The following ZPBP variants were observed in gnomAD, a reference collection of about 807,000 sequenced individuals.
ZPBP encodes zona pellucida-binding protein 1.
In ZPBP, 26 loss-of-function variants were observed where a neutral mutation model predicts 44.8. That is an observed-to-expected ratio of 0.58 (90% confidence interval 0.43 to 0.81). The LOEUF (loss-of-function observed/expected upper bound fraction) is 0.81, where lower values mean the gene tolerates loss of function less well. ZPBP is among the 30% of genes least tolerant of loss of function. ZPBP has a pLI of 0.00. For missense variants in ZPBP, 409 were observed against 434.0 expected, an observed-to-expected ratio of 0.94 and a Z score of 0.51; for synonymous variants, 174 against 153.2, an observed-to-expected ratio of 1.14 and a Z score of -1.00.
chr7:49,879,996 T>C (rs1791599844), intron 2 of ZPBP, among the ~76,000 whole-genome samples: 1 of 152,188 alleles, frequency 6.6e-6, no homozygotes, highest in Non-Finnish European at 1.5e-5. Context: ...AGGCTTCAAG[T>C]TTCAAGAAAA....
chr7:49,947,171 A>T (rs954233210), intron 7 of ZPBP, among the ~76,000 whole-genome samples: 1 of 152,162 alleles, frequency 6.6e-6, no homozygotes, highest in Non-Finnish European at 1.5e-5. Context: ...AAGGTTACAC[A>T]TCTGTTTCCC....
chr7:50,062,293 G>A (rs1801283201), intron 3 of ZPBP, among the ~76,000 whole-genome samples: 1 of 152,070 alleles, frequency 6.6e-6, no homozygotes, highest in Non-Finnish European at 1.5e-5. Flanking sequence ...CAAATTACCA[G>A]TGAAATTTTT....
chr7:49,970,178 A>G (rs865862287), intron 7 of ZPBP, among the ~76,000 whole-genome samples: 1 of 152,132 alleles, frequency 6.6e-6, no homozygotes, highest in South Asian at 2.1e-4. Flanking sequence ...TAAACTAAGA[A>G]AGAAAAATCA....
chr7:50,002,243 CT>C (rs1335860164), intron 6 of ZPBP, among the ~76,000 whole-genome samples: 3 of 152,056 alleles, frequency 2.0e-5, no homozygotes, highest in Non-Finnish European at 4.4e-5. Context: ...GGAACTCTCA[CT>C]TATAAAACCA....
intron 7 of ZPBP, among the ~76,000 whole-genome samples, chr7:49,939,816 G>A (rs1352839493): frequency 6.6e-6 from 1 of 152,148 alleles, no homozygotes; most frequent in Non-Finnish European, 1.5e-5. Context: ...ATAGTGAGGT[G>A]AGAGGCTGGT....
chr7:49,862,654 T>G (rs1377469920), intron 2 of ZPBP, among the ~76,000 whole-genome samples: 2 of 141,174 alleles, frequency 1.4e-5, no homozygotes, highest in Non-Finnish European at 3.0e-5. Context: ...CTTTGATGTG[T>G]TTTTTTTTTC....
chr7:49,877,546 C>T (rs1202633669), intron 2 of ZPBP, among the ~76,000 whole-genome samples: 1 of 110,618 alleles, frequency 9.0e-6, no homozygotes, highest in African/African-American at 3.3e-5. Flanking sequence ...TTACCTATTT[C>T]ATCCTTTGTC....
At chr7:49,925,105 G>C (rs763799454) in intron 1 of ZPBP, among the ~76,000 whole-genome samples, 1 of 152,214 alleles carries the variant, frequency 6.6e-6, no homozygotes, top group Non-Finnish European at 1.5e-5. Context: ...CTGTTTGGTA[G>C]TATCTGGTCC....
At chr7:49,990,359 A>C (rs2170652) in intron 6 of ZPBP, among the ~76,000 whole-genome samples, 121,616 of 152,116 alleles carry the variant, frequency 0.8, 48,777 homozygotes, top group East Asian at 0.89. Flanking sequence ...CACCCATGGA[A>C]AGCACCCTGT....
rs533713744 is a variant in ZPBP at position 49,952,618 on chromosome 7, G to A, written c.962-14996C>T. 2.0e-5 allele frequency among the ~76,000 whole-genome samples: 3 copies of A among 152,054 alleles called. No homozygotes were observed. In the South Asian group the frequency reaches 6.2e-4, roughly 32 times the overall value. ...GGTGGAGGGATCTATATAACTAGAA[G>A]CTCTCTTCTCATCAGAAACAATAAA... On this transcript the variant is annotated intron_variant, in intron 7 of 7. Coordinates refer to ENST00000046087, the MANE Select transcript of ZPBP (RefSeq NM_007009.3).
At chr7:50,037,108 A>T (rs1264319928) in intron 4 of ZPBP, among the ~76,000 whole-genome samples, 3 of 152,156 alleles carry the variant, frequency 2.0e-5, no homozygotes, top group Non-Finnish European at 4.4e-5. Context: ...TTTTACTCAT[A>T]ATATGAATAC....
chr7:49,916,621 C>G lies in ZPBP; in HGVS notation n.412-15406G>C, dbSNP rs191723038. 3 of 152,284 alleles carry G rather than the reference C, an allele frequency of 2.0e-5. No individual in the cohort carries two copies. In the East Asian group the frequency reaches 5.8e-4, roughly 29 times the overall value. The allele number at this position is 152,284 out of a possible 1,614,324, so 9.4% of individuals were successfully genotyped here. On this transcript the variant is annotated intron_variant and non_coding_transcript_variant, in intron 1 of 2. Coordinates refer to the ZPBP transcript ENST00000465922. Reference sequence around the variant, plus strand: ...CCTTTAGTTTGGGCTGTGAAATATTCAATTCCCAAAACATCACCCAATATC... The same window carrying G: ...CCTTTAGTTTGGGCTGTGAAATATTGAATTCCCAAAACATCACCCAATATC...
At chr7:49,987,200 A>C (rs1040049526) in intron 6 of ZPBP, among the ~76,000 whole-genome samples, 1 of 152,230 alleles carries the variant, frequency 6.6e-6, no homozygotes, top group African/African-American at 2.4e-5. Context: ...TGGCATGGAT[A>C]AAGTCAGGTA....
At chr7:50,031,380 T>A in intron 4 of ZPBP, 70 bp from the exon 5 acceptor site, 1 of 1,118,428 alleles carries the variant, frequency 8.9e-7, no homozygotes. Flanking sequence ...TGCAACTATT[T>A]AAGAAATATC....
chr7:50,027,681 A>G (rs1474617682), intron 5 of ZPBP, among the ~76,000 whole-genome samples: 1 of 151,976 alleles, frequency 6.6e-6, no homozygotes. Context: ...TGGTTTTTGG[A>G]AAAAATGCAA....
At chr7:50,076,820 A>C (rs140859912) in intron 3 of ZPBP, among the ~76,000 whole-genome samples, 299 of 151,936 alleles carry the variant, frequency 2.0e-3, no homozygotes, top group African/African-American at 6.9e-3. Flanking sequence ...TGTCCAAACT[A>C]TACAAAGCAA....
At chr7:49,858,347 C>T (rs1338787105) in intron 2 of ZPBP, among the ~76,000 whole-genome samples, 1 of 152,054 alleles carries the variant, frequency 6.6e-6, no homozygotes, top group Non-Finnish European at 1.5e-5. Flanking sequence ...AAATGTGGCA[C>T]ATATACACCA....
chr7:49,860,112 C>CA (rs1425010506), intron 2 of ZPBP, among the ~76,000 whole-genome samples: 2 of 151,860 alleles, frequency 1.3e-5, no homozygotes, highest in East Asian at 3.9e-4. Flanking sequence ...AAAAAAATGA[C>CA]AAAAAATTGC....
At chr7:49,843,055 C>T in the ZPBP span, among the ~76,000 whole-genome samples, 3 of 152,204 alleles carry the variant, frequency 2.0e-5, no homozygotes, top group East Asian at 5.8e-4. Flanking sequence ...TCCCTTTCCC[C>T]GAGTCGCTGC....
Sources: gnomAD v4.1 joint callset for allele counts (sites outside exome capture counted in the v4.1 genomes callset) on GRCh38, gnomAD v4.1.1 for gene constraint, MANE v1.5 for transcripts, NCBI Gene and HGNC (gene_info 2026-07-23, HGNC 2026-07-21) for gene names.